ANKAR: variants seen among roughly 807,000 people sequenced by gnomAD.
ANKAR encodes ankyrin and armadillo repeat containing.
ANKAR carries 136 observed loss-of-function variants against 146.2 expected under a neutral mutation model. The observed-to-expected ratio is 0.93, with a 90% CI of 0.81 to 1.07. The LOEUF (loss-of-function observed/expected upper bound fraction) is 1.07, where lower values mean the gene tolerates loss of function less well. Ranked by LOEUF, ANKAR falls within the 50% of genes least tolerant of loss-of-function variation. The pLI is 0.00. For synonymous variants in ANKAR, 500 were observed against 575.8 expected, an observed-to-expected ratio of 0.87 and a Z score of 1.88; for missense variants, 1,567 against 1,679.9, an observed-to-expected ratio of 0.93 and a Z score of 1.18.
chr2:189,693,685 G>A (rs1559072041), intron 5 of ANKAR, among the ~76,000 whole-genome samples: 1 of 152,156 alleles, frequency 6.6e-6, no homozygotes, highest in South Asian at 2.1e-4. Flanking sequence ...ACTGAGGTGG[G>A]AGGATTGCTT....
At chr2:189,760,169 C>T (rs1487213557) in intron 18 of ANKAR, among the ~76,000 whole-genome samples, 2 of 152,228 alleles carry the variant, frequency 1.3e-5, no homozygotes, top group Non-Finnish European at 2.9e-5. Flanking sequence ...TCTACACAGA[C>T]ATATTAACAA....
intron 8 of ANKAR, 142 bp downstream of exon 8, chr2:189,705,366 T>A: frequency 1.2e-6 from 1 of 825,738 alleles, no homozygotes; most frequent in Non-Finnish European, 1.9e-6. Context: ...GTGATAGGTG[T>A]GGGTGATCTG....
At chr2:189,681,891 A>T (rs1433229083) in intron 2 of ANKAR, among the ~76,000 whole-genome samples, 1 of 152,182 alleles carries the variant, frequency 6.6e-6, no homozygotes, top group African/African-American at 2.4e-5. Flanking sequence ...TTCTACTTTT[A>T]AAATATCTCT....
intron 17 of ANKAR, among the ~76,000 whole-genome samples, chr2:189,733,987 G>A (rs1280606051): frequency 6.6e-6 from 1 of 151,826 alleles, no homozygotes; most frequent in African/African-American, 2.4e-5. Context: ...GATGAATTCA[G>A]GCCAGTTATT....
intron 2 of ANKAR, among the ~76,000 whole-genome samples, chr2:189,680,481 T>TA (rs2034484477): frequency 6.6e-6 from 1 of 151,966 alleles, no homozygotes; most frequent in African/African-American, 2.4e-5. Context: ...TCTGCTTGGT[T>TA]TGGGTTTGGT....
intron 9 of ANKAR, among the ~76,000 whole-genome samples, chr2:189,708,265 GAT>G (rs1400920904): frequency 1.3e-5 from 2 of 152,246 alleles, no homozygotes; most frequent in South Asian, 2.1e-4. Flanking sequence ...AGTACAAAAA[GAT>G]ATTTTGAGAG....
At chr2:189,681,087 T>C (rs1256613915) in intron 2 of ANKAR, among the ~76,000 whole-genome samples, 3 of 152,256 alleles carry the variant, frequency 2.0e-5, no homozygotes, top group Non-Finnish European at 2.9e-5. Context: ...GACGTGGGAC[T>C]GATGAGCCAT....
At chr2:189,718,368 A>G (rs2256591) in intron 10 of ANKAR, among the ~76,000 whole-genome samples, 5,051 of 25,002 alleles carry the variant, frequency 0.2, 292 homozygotes, top group African/African-American at 0.33. Context: ...AGACACACAC[A>G]CACACACACA....
rs762136358 is a variant in ANKAR at position 189,728,732 on chromosome 2, T to C, written c.3104T>C (p.Ile1035Thr). Residue 1035 changes from isoleucine to threonine, a missense_variant, in exon 15 of 23, where the codon ATT becomes ACT. Physicochemically the swap from Ile to Thr is moderately conservative, Grantham distance 89. Transcript: ENST00000684021. The stretch of plus-strand genomic sequence containing the variant: ...AATCAAATATGTGAAGGGAATGGAA[T>C]TGCACCATTGGTTCGCTTACTAAGA... Reference protein sequence around the residue: ...HQNQICEGNGIAPLVRLLRIS... With the variant: ...HQNQICEGNGTAPLVRLLRIS... 8.6e-5 allele frequency: 138 copies of C among 1,602,494 alleles called. No individual in the cohort carries two copies. Among genetic ancestry groups the C allele is most frequent in the Non-Finnish European group, 1.1e-4 (132 of 1,169,878 alleles).
chr2:189,696,482 G>A (rs569121730), intron 7 of ANKAR, 113 bp downstream of exon 7: 2 of 999,200 alleles, frequency 2.0e-6, no homozygotes, highest in Middle Eastern at 2.3e-4. Context: ...CTAGAGCAAA[G>A]TTGAGGTTTT....
chr2:189,676,835 T>C lies in ANKAR; in HGVS notation c.345T>C (p.Asn115=), dbSNP rs2033769818. ...RELAIGIYCL[N]QIPSISLEAN... ...TGGCTATTGGAATTTATTGCCTAAA[T>C]CAAATCCCTTCCATCAGTTTAGAAG... is the stretch of plus-strand genomic sequence containing the variant. The change falls in exon 2 of 23, where the codon AAT becomes AAC. Residue 115 remains asparagine (N), a synonymous_variant. Transcript: ENST00000684021. 6.2e-7 allele frequency: 1 copy of C among 1,614,094 alleles called. No individual in the cohort carries two copies. The highest frequency in any genetic ancestry group is 1.3e-5 in the African/African-American group (1 of 74,940).
intron 2 of ANKAR, among the ~76,000 whole-genome samples, chr2:189,679,800 G>A (rs536906535): frequency 6.6e-6 from 1 of 152,238 alleles, no homozygotes; most frequent in Non-Finnish European, 1.5e-5. Flanking sequence ...TCCCTGGCAC[G>A]AAACCCACTT....
chr2:189,745,021 C>CTAATAATAATAA (rs1249558167), intron 22 of ANKAR, among the ~76,000 whole-genome samples: 2 of 41,098 alleles, frequency 4.9e-5, no homozygotes, highest in South Asian at 1.5e-3. Context: ...ACTACTACTA[C>CTAATAATAATAA]TACTACTAAT....
intron 2 of ANKAR, among the ~76,000 whole-genome samples, chr2:189,679,020 G>A (rs1228395030): frequency 6.6e-6 from 1 of 152,062 alleles, no homozygotes; most frequent in African/African-American, 2.4e-5. Flanking sequence ...TTGGCAGTAT[G>A]GTCATTTTCA....
intron 17 of ANKAR, among the ~76,000 whole-genome samples, chr2:189,734,572 C>G (rs558883098): frequency 6.6e-6 from 1 of 152,080 alleles, no homozygotes; most frequent in Admixed American, 6.6e-5. Flanking sequence ...TTGCCAGCGA[C>G]GTTTCTCTCA....
intron 13 of ANKAR, 54 bp downstream of exon 13, chr2:189,728,151 A>G: frequency 6.5e-7 from 1 of 1,535,018 alleles, no homozygotes; most frequent in Admixed American, 2.2e-5. Context: ...TTCTATTTTG[A>G]ATTGTTAAGT....
intron 8 of ANKAR, among the ~76,000 whole-genome samples, chr2:189,705,870 G>A (rs1342735236): frequency 6.6e-6 from 1 of 151,990 alleles, no homozygotes; most frequent in African/African-American, 2.4e-5. Flanking sequence ...TAAAGGCCAG[G>A]TCATTACTTT....
chr2:189,699,537 T>C (rs1333727376), intron 7 of ANKAR, among the ~76,000 whole-genome samples: 1 of 152,226 alleles, frequency 6.6e-6, no homozygotes, highest in African/African-American at 2.4e-5. Flanking sequence ...CTATCATTCA[T>C]TTACTCATTT....
chr2:189,695,250 A>G, intron 6 of ANKAR, 89 bp downstream of exon 6: 2 of 1,119,224 alleles, frequency 1.8e-6, no homozygotes, highest in Non-Finnish European at 2.4e-6. Context: ...TCCTAGGGAT[A>G]ATAATAGGTT....
Sources: gnomAD v4.1 joint callset for allele counts (sites outside exome capture counted in the v4.1 genomes callset) on GRCh38, gnomAD v4.1.1 for gene constraint, MANE v1.5 for transcripts, NCBI Gene and HGNC (gene_info 2026-07-23, HGNC 2026-07-21) for gene names.